Variants in GAD1 observed in about 807,000 individuals in gnomAD.
GAD1 encodes the protein glutamate decarboxylase 1, also known as 67 kDa glutamic acid decarboxylase.
In GAD1, 35 loss-of-function variants were observed where a neutral mutation model predicts 75.2. The observed-to-expected ratio is 0.47, with a 90% CI of 0.36 to 0.62. GAD1 has a LOEUF of 0.62. GAD1 is among the 20% of genes least tolerant of loss of function. The probability of loss-of-function intolerance (pLI) is 0.00; values close to 1 mark genes in which losing one functional copy is unlikely to be tolerated. For synonymous variants in GAD1, 257 were observed against 271.9 expected, an observed-to-expected ratio of 0.95 and a Z score of 0.54; for missense variants, 490 against 758.5, an observed-to-expected ratio of 0.65 and a Z score of 4.16.
At position 170,860,399 on chromosome 2, in the gene GAD1, A is replaced by ATT. The variant is rs1294966206; in HGVS notation, c.*518_*519dup. 1 of 161,872 alleles carries ATT rather than the reference A, an allele frequency of 6.2e-6. No homozygotes were observed. The highest frequency in any genetic ancestry group is 5.8e-5 in the Admixed American group (1 of 17,268). The allele number at this position is 161,872 out of a possible 1,614,324, so 10.0% of individuals were successfully genotyped here. A position where few individuals can be genotyped will look rare whatever the true frequency, so the allele number is the denominator to read the frequency against. On this transcript the variant is annotated 3_prime_UTR_variant, in exon 17 of 17. Coordinates refer to ENST00000358196, the MANE Select transcript of GAD1 (RefSeq NM_000817.3). ...CCAAATGACAAGTCACACCCTCCCC[A>ATT]TTAGTATCCTGTTAGGGGAAAATAG... is the stretch of plus-strand genomic sequence containing the variant.
At chr2:170,855,699 A>AC (rs1373295829) in intron 14 of GAD1, among the ~76,000 whole-genome samples, 2 of 151,524 alleles carry the variant, frequency 1.3e-5, no homozygotes, top group Admixed American at 6.6e-5. Context: ...ACAAAGTAAG[A>AC]CCCCATCTCT....
chr2:170,852,785 A>G lies in GAD1; in HGVS notation c.1256A>G (p.Lys419Arg). ...TTGCAGTGCTCTGCCATTCTCGTCA[A>G]GGAAAAGGTCTGTACTCCCTCCAAA... ...VLLQCSAILV[K>R]EKGILQGCNQ... The change falls in exon 13 of 17, where the codon AAG becomes AGG. Residue 419 changes from lysine to arginine, a missense_variant. Coordinates refer to ENST00000358196, the MANE Select transcript of GAD1 (RefSeq NM_000817.3). 6.2e-7 allele frequency: 1 copy of G among 1,614,070 alleles called. No individual in the cohort carries two copies. Among genetic ancestry groups the G allele is most frequent in the Non-Finnish European group, 8.5e-7 (1 of 1,179,950 alleles).
chr2:170,855,209 CTT>C (rs536241751), intron 14 of GAD1, among the ~76,000 whole-genome samples: 29 of 129,240 alleles, frequency 2.2e-4, no homozygotes, highest in Admixed American at 3.9e-4. Context: ...GTCATTTTGT[CTT>C]TTTTTTTTTT....
upstream of GAD1, chr2:170,816,406 T>G (rs1701698049): frequency 1.3e-5 from 2 of 152,276 alleles, no homozygotes; most frequent in Middle Eastern, 3.4e-3. Flanking sequence ...AAGCGCGCTT[T>G]CGCTCAAGGA....
chr2:170,828,695 CCT>C (rs908351603), intron 3 of GAD1, among the ~76,000 whole-genome samples: 6 of 137,462 alleles, frequency 4.4e-5, no homozygotes, highest in Non-Finnish European at 6.4e-5. Context: ...TCACCCTCCT[CCT>C]CTGTTGTCCA....
rs771451673 is a variant in GAD1, at chr2:170,852,789, A to T, written c.1260A>T (p.Glu420Asp). Reference sequence around the variant, plus strand: ...AGTGCTCTGCCATTCTCGTCAAGGAAAAGGTCTGTACTCCCTCCAAAGCTA... The same window carrying T: ...AGTGCTCTGCCATTCTCGTCAAGGATAAGGTCTGTACTCCCTCCAAAGCTA... ...LLQCSAILVK[E>D]KGILQGCNQM... is the part of the protein sequence containing the mutation. The change falls in exon 13 of 17, where the codon GAA becomes GAT. Residue 420 changes from glutamate (E) to aspartate (D), a missense_variant. Glu to Asp is a conservative substitution (Grantham distance 45, BLOSUM62 2). Around this residue, in one of 3 missense-constraint regions of GAD1, gnomAD observed 324 missense variants for 523.9 expected, o/e 0.62. Coordinates refer to ENST00000358196, the MANE Select transcript of GAD1 (RefSeq NM_000817.3). The T allele has an allele frequency of 6.2e-7, 1 of 1,613,948 alleles. No individual in the cohort carries two copies. The highest frequency in any genetic ancestry group is 8.5e-7 in the Non-Finnish European group (1 of 1,179,850).
intron 3 of GAD1, among the ~76,000 whole-genome samples, chr2:170,825,627 T>A (rs1335994999): frequency 6.6e-6 from 1 of 152,090 alleles, no homozygotes; most frequent in Non-Finnish European, 1.5e-5. Context: ...ACATACACAC[T>A]CTCTCACTGG....
At chr2:170,828,196 C>T (rs1468740094) in intron 3 of GAD1, among the ~76,000 whole-genome samples, 1 of 105,920 alleles carries the variant, frequency 9.4e-6, no homozygotes, top group Non-Finnish European at 2.0e-5. Context: ...CTGTCCTCAC[C>T]TCTCCTCTCT....
intron 6 of GAD1, chr2:170,842,776 G>T (rs1318743212): frequency 2.0e-6 from 3 of 1,465,612 alleles, no homozygotes; most frequent in Non-Finnish European, 2.7e-6. Context: ...GATCCTTCAG[G>T]ATCTTTTTGT....
intron 5 of GAD1, among the ~76,000 whole-genome samples, chr2:170,831,594 A>G (rs1034155470): frequency 1.5e-4 from 19 of 122,792 alleles, no homozygotes; most frequent in South Asian, 1.1e-3. Context: ...GTCTCTACAT[A>G]TGTGTGTGTG....
At chr2:170,842,875 T>C (rs1702548174) in intron 6 of GAD1, 1 of 676,382 alleles carries the variant, frequency 1.5e-6, no homozygotes, top group Admixed American at 3.1e-5. Flanking sequence ...TGTAAAACAA[T>C]AGTTATCTCA....
chr2:170,841,790 GA>G (rs1164782722), intron 6 of GAD1, among the ~76,000 whole-genome samples: 1 of 152,166 alleles, frequency 6.6e-6, no homozygotes, highest in South Asian at 2.1e-4. Context: ...AATAAGTCAG[GA>G]AAAGAGTGGA....
At chr2:170,848,662 TC>T in intron 11 of GAD1, 1 of 510,820 alleles carries the variant, frequency 2.0e-6, no homozygotes, top group Non-Finnish European at 3.9e-6. Flanking sequence ...TTTTTTTCTT[TC>T]TCTCTGCCCA....
chr2:170,849,116 T>C (rs914228319), intron 11 of GAD1, 170 bp from the exon 12 acceptor site: 3 of 692,534 alleles, frequency 4.3e-6, no homozygotes, highest in East Asian at 5.4e-5. Context: ...TGACAAGCAA[T>C]GAAGAATCAC....
Position 170,860,202 on chromosome 2 carries a change from C to T in GAD1, c.*320C>T, listed in dbSNP as rs1559288877. ...GCTCCAAGAGAATTCACTTTACCTTCAGCAGTTACCGAGGAGCTAAACATG... is the reference window on the plus strand; with the variant it reads ...GCTCCAAGAGAATTCACTTTACCTTTAGCAGTTACCGAGGAGCTAAACATG... On this transcript the variant is annotated 3_prime_UTR_variant, in exon 17 of 17. Coordinates refer to ENST00000358196, the MANE Select transcript of GAD1 (RefSeq NM_000817.3). 1.9e-5 allele frequency: 5 copies of T among 266,892 alleles called. No individual in the cohort carries two copies. Among genetic ancestry groups the T allele is most frequent in the Non-Finnish European group, 3.6e-5 (5 of 137,172 alleles). The allele number at this position is 266,892 out of a possible 1,614,324, so 16.5% of individuals were successfully genotyped here. A position where few individuals can be genotyped will look rare whatever the true frequency, so the allele number is the denominator to read the frequency against.
chr2:170,849,204 T>A, intron 11 of GAD1, 82 bp from the exon 12 acceptor site: 1 of 1,202,200 alleles, frequency 8.3e-7, no homozygotes, highest in Non-Finnish European at 1.2e-6. Flanking sequence ...TTGCTCATGT[T>A]TTAGTAGAAG....
At chr2:170,833,442 G>A (rs955043556) in intron 5 of GAD1, among the ~76,000 whole-genome samples, 1 of 152,242 alleles carries the variant, frequency 6.6e-6, no homozygotes, top group African/African-American at 2.4e-5. Flanking sequence ...ATCTTGGTCA[G>A]ATGGCTAATA....
At chr2:170,821,926 T>C (rs1436094252) in intron 2 of GAD1, 161 bp from the exon 3 acceptor site, 1 of 681,232 alleles carries the variant, frequency 1.5e-6, no homozygotes, top group African/African-American at 1.8e-5. Context: ...TATATGCCTG[T>C]CGGCTCACAG....
chr2:170,829,904 T>A, intron 4 of GAD1: 1 of 457,668 alleles, frequency 2.2e-6, no homozygotes, highest in Non-Finnish European at 4.0e-6. Context: ...TCATAGACTC[T>A]CAGAGTCAAA....
Sources: gnomAD v4.1 joint callset for allele counts (sites outside exome capture counted in the v4.1 genomes callset) on GRCh38, gnomAD v4.1.1 for gene constraint, gnomAD v4.1.1 regional missense constraint, MANE v1.5 for transcripts, NCBI Gene and HGNC (gene_info 2026-07-23, HGNC 2026-07-21) for gene names.